ARHGAP26: variants seen among roughly 807,000 people sequenced by gnomAD.
The protein encoded by ARHGAP26 is rho GTPase-activating protein 26.
A neutral mutation model predicts 104.8 loss-of-function variants in ARHGAP26; 38 were observed. The observed-to-expected ratio is 0.36, with a 90% CI of 0.28 to 0.48. The LOEUF (loss-of-function observed/expected upper bound fraction) is 0.48. ARHGAP26 is among the 20% of genes least tolerant of loss of function. The probability of loss-of-function intolerance (pLI) is 0.99; values close to 1 mark genes in which losing one functional copy is unlikely to be tolerated. For missense variants in ARHGAP26, 704 were observed against 947.9 expected, an observed-to-expected ratio of 0.74 and a Z score of 3.38; for synonymous variants, 341 against 340.0, an observed-to-expected ratio of 1.00 and a Z score of -0.03.
At chr5:142,956,463 GC>G (rs1454768157) in intron 11 of ARHGAP26, among the ~76,000 whole-genome samples, 4 of 152,080 alleles carry the variant, frequency 2.6e-5, no homozygotes, top group Non-Finnish European at 5.9e-5. Context: ...TGTAGTCCCA[GC>G]TACTCGGGAA....
intron 11 of ARHGAP26, among the ~76,000 whole-genome samples, chr5:142,955,832 A>G (rs1057264644): frequency 6.6e-6 from 1 of 152,186 alleles, no homozygotes; most frequent in South Asian, 2.1e-4. Context: ...TGCTGTCTCC[A>G]TGCATCTCAT....
chr5:143,057,912 A>G (rs1359690600), intron 17 of ARHGAP26, 165 bp downstream of exon 17: 1 of 731,158 alleles, frequency 1.4e-6, no homozygotes, highest in Non-Finnish European at 2.5e-6. Flanking sequence ...AGTGGAGAAC[A>G]GCAGCAAATG....
At chr5:143,132,956 G>A (rs1797528597) in intron 18 of ARHGAP26, among the ~76,000 whole-genome samples, 1 of 151,896 alleles carries the variant, frequency 6.6e-6, no homozygotes, top group Non-Finnish European at 1.5e-5. Flanking sequence ...ATAAAATGCT[G>A]AGGACATTAC....
At chr5:143,187,195 A>T (rs1303686737) in intron 20 of ARHGAP26, among the ~76,000 whole-genome samples, 1 of 152,218 alleles carries the variant, frequency 6.6e-6, no homozygotes, top group Non-Finnish European at 1.5e-5. Flanking sequence ...CCAGGGTGAC[A>T]CAGCTAATAA....
chr5:142,959,967 G>T (rs1246309287), intron 11 of ARHGAP26, among the ~76,000 whole-genome samples: 1 of 152,214 alleles, frequency 6.6e-6, no homozygotes, highest in Admixed American at 6.5e-5. Flanking sequence ...TATGGGATTG[G>T]TCTGTTTTTG....
At chr5:143,043,227 C>T (rs1203641845) in intron 14 of ARHGAP26, among the ~76,000 whole-genome samples, 2 of 152,146 alleles carry the variant, frequency 1.3e-5, no homozygotes, top group Non-Finnish European at 2.9e-5. Flanking sequence ...TAACCCCTGG[C>T]GATCAGCAAT....
At chr5:143,003,676 G>C (rs1367159974) in intron 11 of ARHGAP26, among the ~76,000 whole-genome samples, 1 of 152,196 alleles carries the variant, frequency 6.6e-6, no homozygotes, top group African/African-American at 2.4e-5. Context: ...CAGCCATCAA[G>C]TAAGTTAGGA....
At chr5:142,824,698 A>G (rs1301058765) in intron 1 of ARHGAP26, among the ~76,000 whole-genome samples, 1 of 152,138 alleles carries the variant, frequency 6.6e-6, no homozygotes, top group Admixed American at 6.5e-5. Context: ...TGGTCCCTGC[A>G]GCTGTGTCTC....
chr5:142,978,952 A>G (rs958134737), intron 11 of ARHGAP26, among the ~76,000 whole-genome samples: 1 of 152,184 alleles, frequency 6.6e-6, no homozygotes, highest in Non-Finnish European at 1.5e-5. Flanking sequence ...ATGCTAGGGT[A>G]AAGGAAAAAG....
At chr5:142,907,373 A>C (rs1473510346) in intron 8 of ARHGAP26, 4 of 163,126 alleles carry the variant, frequency 2.5e-5, no homozygotes, top group Non-Finnish European at 4.0e-5. Flanking sequence ...AGAGAGTGGA[A>C]ACTTCAGTTG....
chr5:142,820,781 A>G (rs1339788379), intron 1 of ARHGAP26, among the ~76,000 whole-genome samples: 1 of 152,228 alleles, frequency 6.6e-6, no homozygotes, highest in Non-Finnish European at 1.5e-5. Flanking sequence ...TTTTTAAGCA[A>G]TTGCAATGTG....
In ARHGAP26 at chr5:143,108,538, C is replaced by A. The variant is rs139992599; in HGVS notation, c.1539-12450C>A. ...ATTCCAGTCACTTTGGTAGACTGGC[C>A]CTTGAAATAAAGCTAACGTTTTCAA... On this transcript the variant is annotated intron_variant, in intron 17 of 22. Coordinates refer to ENST00000645722, the MANE Select transcript of ARHGAP26 (RefSeq NM_001135608.3). 1.9e-3 allele frequency among the ~76,000 whole-genome samples: 283 copies of A among 152,246 alleles called. 2 individuals are homozygous for A. The highest frequency in any genetic ancestry group is 6.8e-3 in the Middle Eastern group (2 of 294).
intron 8 of ARHGAP26, among the ~76,000 whole-genome samples, chr5:142,904,672 C>T (rs374485332): frequency 8.5e-5 from 13 of 152,266 alleles, no homozygotes; most frequent in Middle Eastern, 3.4e-3. Flanking sequence ...GGGGCCGTGC[C>T]GTTTAGGATA....
intron 6 of ARHGAP26, among the ~76,000 whole-genome samples, chr5:142,897,874 G>C (rs1331647485): frequency 6.6e-6 from 1 of 152,146 alleles, no homozygotes; most frequent in Non-Finnish European, 1.5e-5. Flanking sequence ...CCATGAAATA[G>C]CATTTGATTG....
chr5:143,039,114 G>C (rs1376442707), intron 13 of ARHGAP26, among the ~76,000 whole-genome samples: 3 of 152,124 alleles, frequency 2.0e-5, no homozygotes, highest in African/African-American at 7.2e-5. Context: ...GTGGCTGTCT[G>C]CTGATTTTTA....
chr5:143,046,266 T>C (rs1784225925), intron 14 of ARHGAP26, among the ~76,000 whole-genome samples: 1 of 152,192 alleles, frequency 6.6e-6, no homozygotes, highest in Non-Finnish European at 1.5e-5. Context: ...ATCACACCAC[T>C]GAACTCCAGC....
intron 1 of ARHGAP26, among the ~76,000 whole-genome samples, chr5:142,827,638 T>TAA (rs1432784291): frequency 6.6e-6 from 1 of 152,168 alleles, no homozygotes; most frequent in Non-Finnish European, 1.5e-5. Flanking sequence ...AAGGGATACT[T>TAA]ACAGAGGTCA....
intron 1 of ARHGAP26, among the ~76,000 whole-genome samples, chr5:142,839,606 A>G (rs1022480103): frequency 2.0e-5 from 3 of 152,190 alleles, no homozygotes; most frequent in Admixed American, 6.5e-5. Flanking sequence ...AGGTAGACCA[A>G]AGAGAGACCT....
chr5:142,856,935 T>C (rs569458069), intron 1 of ARHGAP26, among the ~76,000 whole-genome samples: 1 of 152,202 alleles, frequency 6.6e-6, no homozygotes, highest in Non-Finnish European at 1.5e-5. Context: ...AAATGTGTTT[T>C]CTCACAGTTC....
Sources: allele counts gnomAD v4.1 joint callset (sites outside exome capture counted in the v4.1 genomes callset), GRCh38; gene constraint gnomAD v4.1.1; transcripts MANE v1.5; gene names NCBI Gene and HGNC (gene_info 2026-07-23, HGNC 2026-07-21).